Variants in ARHGEF12 observed in about 807,000 individuals in gnomAD.
ARHGEF12 encodes the protein KMT2A/ARHGEF12 fusion protein.
ARHGEF12 carries 66 observed loss-of-function variants against 211.2 expected under a neutral mutation model. That is an observed-to-expected ratio of 0.31 (90% CI 0.26 to 0.38). The LOEUF is 0.38. Ranked by LOEUF, ARHGEF12 falls within the 10% of genes least tolerant of loss-of-function variation. The pLI is 1.00. For synonymous variants in ARHGEF12, 592 were observed against 638.4 expected (o/e 0.93, Z 1.09); for missense variants, 1,429 against 1,869.5 (o/e 0.76, Z 4.34).
In ARHGEF12 at chr11:120,347,181, TTC is replaced by T. The variant is rs1491161879; in HGVS notation, c.32+9907_32+9908del. Among the ~76,000 whole-genome samples, 794 of 134,710 alleles carry T rather than the reference TTC, an allele frequency of 5.9e-3. 17 individuals carry two copies. Among genetic ancestry groups the T allele is most frequent in the African/African-American group, 0.017 (546 of 31,492 alleles). 88.4% of individuals were successfully genotyped at this position (134,710 alleles called of 152,430 possible). Reference sequence around the variant, plus strand: ...CTTCCTTCCTTCCTTCCTTCCTTCCTTCCTTTCTTTCTTTCTTTCTTTCTCTT... The same window carrying T: ...CTTCCTTCCTTCCTTCCTTCCTTCCTCTTTCTTTCTTTCTTTCTTTCTCTT... On this transcript the variant is annotated intron_variant, in intron 1 of 40. Transcript: ENST00000397843.
At chr11:120,441,885 T>C in intron 14 of ARHGEF12, 68 bp downstream of exon 14, 1 of 1,404,248 alleles carries the variant, frequency 7.1e-7, no homozygotes, top group Non-Finnish European at 1.0e-6. Flanking sequence ...GAACTTTTCC[T>C]AGCTATACAA....
chr11:120,384,211 G>T (rs543791341), intron 1 of ARHGEF12, among the ~76,000 whole-genome samples: 5 of 152,252 alleles, frequency 3.3e-5, no homozygotes, highest in Non-Finnish European at 2.9e-5. Flanking sequence ...CTTTGCCAAG[G>T]TATATGTTCT....
intron 23 of ARHGEF12, 147 bp downstream of exon 23, chr11:120,457,397 G>A (rs1946395564): frequency 1.0e-6 from 1 of 961,206 alleles, no homozygotes; most frequent in Non-Finnish European, 1.4e-6. Flanking sequence ...GGCTGAGGCA[G>A]GAGAATCAAT....
chr11:120,381,573 A>G lies in ARHGEF12; in HGVS notation c.33-24545A>G, dbSNP rs544954576. Reference sequence around the variant, plus strand: ...CGCCCCTTCAGTGAAGTTATGTCATACATTTGTAATGCAGTTAGTTTCATT... The same window carrying G: ...CGCCCCTTCAGTGAAGTTATGTCATGCATTTGTAATGCAGTTAGTTTCATT... On this transcript the variant is annotated intron_variant, in intron 1 of 40. Transcript: ENST00000397843. Among the ~76,000 whole-genome samples the G allele has an allele frequency of 3.3e-5, 5 of 152,310 alleles. No individual in the cohort carries two copies. The South Asian group carries it at 6.2e-4, about 19-fold the overall frequency.
chr11:120,460,421 G>T (rs1363848114), intron 26 of ARHGEF12, among the ~76,000 whole-genome samples: 1 of 152,128 alleles, frequency 6.6e-6, no homozygotes, highest in Non-Finnish European at 1.5e-5. Flanking sequence ...ATGAATATTT[G>T]ATGCAACCAC....
chr11:120,375,957 C>T (rs1250012450), intron 1 of ARHGEF12, among the ~76,000 whole-genome samples: 2 of 152,106 alleles, frequency 1.3e-5, no homozygotes, highest in African/African-American at 4.8e-5. Flanking sequence ...TACGATTTGA[C>T]TGGAGTATGG....
chr11:120,447,971 A>G, intron 19 of ARHGEF12, 65 bp downstream of exon 19: 1 of 1,239,278 alleles, frequency 8.1e-7, no homozygotes, highest in Non-Finnish European at 1.1e-6. Flanking sequence ...TTTTCCTTTC[A>G]GTCCTAAATT....
intron 1 of ARHGEF12, among the ~76,000 whole-genome samples, chr11:120,396,684 C>T (rs1444900827): frequency 6.6e-6 from 1 of 152,074 alleles, no homozygotes; most frequent in Non-Finnish European, 1.5e-5. Flanking sequence ...ATATTGTAGA[C>T]CTAAAAGTAA....
At chr11:120,351,406 G>C (rs1424023827) in intron 1 of ARHGEF12, among the ~76,000 whole-genome samples, 1 of 100,804 alleles carries the variant, frequency 9.9e-6, no homozygotes, top group African/African-American at 3.6e-5. Flanking sequence ...ATGTAGGAAA[G>C]GAATATATAT....
At chr11:120,469,242 T>G (rs1437424243) in intron 29 of ARHGEF12, 46 bp from the exon 30 acceptor site, 4 of 1,437,570 alleles carry the variant, frequency 2.8e-6, no homozygotes, top group Non-Finnish European at 9.6e-7. Flanking sequence ...ATTTTATGGT[T>G]TTTTGCTCAG....
chr11:120,469,873 A>T lies in ARHGEF12; in HGVS notation c.2955+485A>T, dbSNP rs643467. Among the ~76,000 whole-genome samples, 362 of 152,296 alleles carry T rather than the reference A, an allele frequency of 2.4e-3. 2 individuals are homozygous for T. The highest frequency in any genetic ancestry group is 3.8e-3 in the Non-Finnish European group (261 of 68,032). On this transcript the variant is annotated intron_variant, in intron 30 of 40. Coordinates refer to ENST00000397843, the MANE Select transcript of ARHGEF12 (RefSeq NM_015313.3). ...ATGTTAGGTGGTGCCTATTAGAGAA[A>T]ATTTTCTTGAGGAATTGACACTTGA...
chr11:120,347,010 G>A (rs1048597381), intron 1 of ARHGEF12, among the ~76,000 whole-genome samples: 7 of 152,156 alleles, frequency 4.6e-5, no homozygotes, highest in East Asian at 1.9e-4. Flanking sequence ...AGCAGAGCAC[G>A]TTCATAGAGC....
chr11:120,474,229 G>A (rs1946959868), intron 31 of ARHGEF12, among the ~76,000 whole-genome samples: 1 of 152,132 alleles, frequency 6.6e-6, no homozygotes, highest in Admixed American at 6.5e-5. Context: ...TTATTCATAG[G>A]AAAATTAAAG....
At chr11:120,437,751 CT>C (rs1170009552) in intron 12 of ARHGEF12, among the ~76,000 whole-genome samples, 15 of 152,184 alleles carry the variant, frequency 9.9e-5, no homozygotes, top group Non-Finnish European at 1.5e-4. Flanking sequence ...CCCCTAGCCC[CT>C]GGCAGCCACC....
At chr11:120,465,003 CAAAAAAAAGAAAAA>C in intron 27 of ARHGEF12, 1 of 476,712 alleles carries the variant, frequency 2.1e-6, no homozygotes, top group South Asian at 3.1e-5. Flanking sequence ...AACACTGTCT[CAAAAAAAAGAAAAA>C]AAAAAGAAGA....
chr11:120,397,946 G>C (rs1322673266), intron 1 of ARHGEF12, among the ~76,000 whole-genome samples: 1 of 152,090 alleles, frequency 6.6e-6, no homozygotes, highest in Non-Finnish European at 1.5e-5. Flanking sequence ...AACAATGCTG[G>C]GTGTTGGGAT....
chr11:120,395,746 C>T (rs1944362524), intron 1 of ARHGEF12, among the ~76,000 whole-genome samples: 1 of 151,938 alleles, frequency 6.6e-6, no homozygotes, highest in Non-Finnish European at 1.5e-5. Flanking sequence ...ATCCCAAGAA[C>T]AGCATGGGAA....
rs1946381970 is a variant in ARHGEF12 at position 120,456,974 on chromosome 11, T to A, written c.2057-144T>A. 7.5e-6 allele frequency: 5 copies of A among 662,280 alleles called. No individual in the cohort carries two copies. The East Asian group carries it at 1.5e-4, about 20-fold the overall frequency. 41.0% of individuals were successfully genotyped at this position (662,280 alleles called of 1,614,324 possible). ...GATGCCATAATTTTGTATATTAAAT[T>A]TTTAGTTCTAGTGAACCTGCAGTTG... On this transcript the variant is annotated intron_variant, in intron 22 of 40. Coordinates refer to ENST00000397843, the MANE Select transcript of ARHGEF12 (RefSeq NM_015313.3).
At chr11:120,399,349 A>G (rs992196944) in intron 1 of ARHGEF12, among the ~76,000 whole-genome samples, 15 of 148,550 alleles carry the variant, frequency 1.0e-4, no homozygotes, top group Middle Eastern at 3.4e-3. Flanking sequence ...AAAAAAAAAA[A>G]AAGAAAAGAA....
Sources: allele counts gnomAD v4.1 joint callset (sites outside exome capture counted in the v4.1 genomes callset), GRCh38; gene constraint gnomAD v4.1.1; transcripts MANE v1.5; gene names NCBI Gene and HGNC (gene_info 2026-07-23, HGNC 2026-07-21).